The following FAT1 variants were observed in gnomAD, a reference collection of about 807,000 sequenced individuals.
FAT1 encodes the protein protocadherin Fat 1.
Under a neutral mutation model 329.8 loss-of-function variants are expected in FAT1, and 171 were observed. The observed-to-expected ratio is 0.52, with a 90% CI of 0.46 to 0.59. The LOEUF (loss-of-function observed/expected upper bound fraction) is 0.59, where lower values mean the gene tolerates loss of function less well. Among genes scored for constraint, FAT1 ranks in the 20% least tolerant of loss-of-function variants. The pLI is 0.00. For synonymous variants in FAT1, 2,233 were observed against 2,228.6 expected (o/e 1.00, Z -0.06); for missense variants, 5,672 against 5,774.4 (o/e 0.98, Z 0.57).
rs770582858 is a variant in FAT1 at position 186,633,692 on chromosome 4, G to C, written c.4315C>G (p.Leu1439Val). Residue 1439 changes from leucine (L) to valine (V), a missense_variant, in exon 7 of 27, where the codon CTC becomes GTC. Leu to Val is a conservative substitution (Grantham distance 32). Coordinates refer to ENST00000441802, the MANE Select transcript of FAT1 (RefSeq NM_005245.4). ...ATTAGTAATTCACTTACCTGAGTGA[G>C]GATAGTGGTGGTTCCATCTGTAGCC... is the stretch of plus-strand genomic sequence containing the variant. ...VEATDGTTTI[L>V]TQVFIKVIDT... 9.9e-6 allele frequency: 16 copies of C among 1,613,756 alleles called. No individual in the cohort carries two copies. The highest frequency in any genetic ancestry group is 1.3e-5 in the African/African-American group (1 of 74,886).
chr4:186,693,369 G>GTTCTAAGCTAT (rs1269913369), intron 2 of FAT1, among the ~76,000 whole-genome samples: 5 of 145,942 alleles, frequency 3.4e-5, no homozygotes, highest in African/African-American at 5.2e-5. Flanking sequence ...ACCTGTGGCT[G>GTTCTAAGCTAT]GATGAACGAA....
chr4:186,642,968 C>T (rs1003413827), intron 3 of FAT1, among the ~76,000 whole-genome samples: 1 of 152,124 alleles, frequency 6.6e-6, no homozygotes, highest in African/African-American at 2.4e-5. Flanking sequence ...AGGAAGTAGA[C>T]CAGGAGAAGT....
chr4:186,613,364 C>G (rs2126476641), intron 12 of FAT1, 22 bp from the exon 13 acceptor site: 1 of 1,566,352 alleles, frequency 6.4e-7, no homozygotes, highest in Non-Finnish European at 8.8e-7. Flanking sequence ...AACAAATGGA[C>G]TCACTTGTAA....
intron 1 of FAT1, among the ~76,000 whole-genome samples, chr4:186,715,228 C>G (rs974499806): frequency 1.3e-5 from 2 of 152,034 alleles, no homozygotes; most frequent in Admixed American, 1.3e-4. Flanking sequence ...CCATGCTGTC[C>G]CAGGTGCTCA....
At chr4:186,676,352 T>G (rs1742960569) in intron 2 of FAT1, among the ~76,000 whole-genome samples, 1 of 152,000 alleles carries the variant, frequency 6.6e-6, no homozygotes, top group South Asian at 2.1e-4. Context: ...ATGAGTTAAT[T>G]TTATCTTCTT....
chr4:186,719,889 T>G (rs1228501504), intron 1 of FAT1, among the ~76,000 whole-genome samples: 2 of 152,256 alleles, frequency 1.3e-5, no homozygotes, highest in Non-Finnish European at 2.9e-5. Context: ...TCCTGCTTTC[T>G]GCCCCCAATC....
At chr4:186,635,260 CAG>C (rs1740773846) in intron 6 of FAT1, among the ~76,000 whole-genome samples, 2 of 151,928 alleles carry the variant, frequency 1.3e-5, no homozygotes, top group Non-Finnish European at 2.9e-5. Flanking sequence ...TGAATCGCAA[CAG>C]AGACTCTTGT....
intron 2 of FAT1, among the ~76,000 whole-genome samples, chr4:186,699,976 T>A (rs963594891): frequency 1.3e-5 from 2 of 152,014 alleles, no homozygotes; most frequent in Non-Finnish European, 2.9e-5. Context: ...CTCAACAAAT[T>A]ACGAACACCC....
chr4:186,672,185 CTATTA>C lies in FAT1; in HGVS notation c.3266-8577_3266-8573del, dbSNP rs1372572823. On this transcript the variant is annotated intron_variant, in intron 2 of 26. Transcript: ENST00000441802. ...TTCTAGTACTTTTAAAAACAATGTT[CTATTA>C]TGTGTGTATACATATATTAATAAAT... Among the ~76,000 whole-genome samples the C allele has an allele frequency of 3.9e-5, 6 of 152,152 alleles. 1 individual carries two copies. The South Asian group carries it at 1.0e-3, about 26-fold the overall frequency.
chr4:186,666,035 G>A (rs183108956), intron 2 of FAT1, among the ~76,000 whole-genome samples: 3,970 of 119,286 alleles, frequency 0.033, 226 homozygotes, highest in African/African-American at 0.12. Context: ...GGGGCCTGTC[G>A]TGGGGTGGGG....
intron 9 of FAT1, among the ~76,000 whole-genome samples, chr4:186,625,206 G>C (rs1740242931): frequency 6.6e-6 from 1 of 152,212 alleles, no homozygotes; most frequent in African/African-American, 2.4e-5. Context: ...CAGTCAGTTT[G>C]TCTATGACAG....
In FAT1 at chr4:186,617,949, C is replaced by G; in HGVS notation, c.8637G>C (p.Lys2879Asn). The stretch of plus-strand genomic sequence containing the variant: ...CCACTTTAATCTGGTAATTGTCTCT[C>G]TTTTCATGGTCAAGTTCCTTTAAAG... ...ITTLKELDHEKRDNYQIKVVA... is the reference protein window; with the variant it reads ...ITTLKELDHENRDNYQIKVVA... The change falls in exon 10 of 27, where the codon AAG (lysine) becomes AAC (asparagine). Residue 2879 changes from lysine to asparagine, a missense_variant. Physicochemically the swap from Lys to Asn is moderately conservative, Grantham distance 94. Around this residue, in one of 2 missense-constraint regions of FAT1, gnomAD observed 3,966 missense variants for 3,915.2 expected, o/e 1.01. Transcript: ENST00000441802. 6.2e-7 allele frequency: 1 copy of G among 1,614,022 alleles called. No homozygotes were observed.
In FAT1 at chr4:186,708,269, C is replaced by G. The variant is rs769346214; in HGVS notation, c.1559G>C (p.Ser520Thr). 16 of 1,613,868 alleles carry G rather than the reference C, an allele frequency of 9.9e-6. No individual in the cohort carries two copies. The highest frequency in any genetic ancestry group is 1.4e-5 in the Non-Finnish European group (16 of 1,179,912). The part of the protein sequence containing the change: ...FAIDHFTGAV[S>T]TSENLDYELM... ...TTCGTAGTCCAGGTTTTCTGACGTA[C>G]TCACGGCACCAGTGAAATGGTCAAT... The change falls in exon 2 of 27, where the codon AGT (serine) becomes ACT (threonine). Residue 520 changes from serine to threonine, a missense_variant. This residue lies in a region of FAT1 where 3,966 missense variants were observed against 3,915.2 expected (regional missense o/e 1.01). Transcript: ENST00000441802.
At chr4:186,595,849 G>T (rs756735135) in intron 25 of FAT1, 23 bp from the exon 26 acceptor site, 1 of 1,613,380 alleles carries the variant, frequency 6.2e-7, no homozygotes, top group Non-Finnish European at 8.5e-7. Flanking sequence ...ATGACAAACA[G>T]TAAGTATATG....
chr4:186,603,882 C>T lies in FAT1; in HGVS notation c.10644G>A (p.Leu3548=), dbSNP rs1462036361. The part of the protein sequence containing the change: ...ESIYPPAILP[L]EIFITSSGEE... ...CTCCAGAAGAGGTGATGAAAATCTC[C>T]AGGGGCAAAATCGCAGGCGGATAGA... Residue 3548 remains leucine (L), a synonymous_variant, in exon 19 of 27, where the codon CTG becomes CTA. Coordinates refer to ENST00000441802, the MANE Select transcript of FAT1 (RefSeq NM_005245.4). The T allele has an allele frequency of 1.7e-5, 28 of 1,613,822 alleles. No individual in the cohort carries two copies. The highest frequency in any genetic ancestry group is 2.2e-5 in the Non-Finnish European group (26 of 1,179,864).
intron 9 of FAT1, among the ~76,000 whole-genome samples, chr4:186,623,249 G>A (rs146104624): frequency 1.3e-5 from 2 of 152,310 alleles, no homozygotes; most frequent in African/African-American, 4.8e-5. Flanking sequence ...CCTCTGCCAG[G>A]CTTTTGAGAC....
intron 3 of FAT1, among the ~76,000 whole-genome samples, chr4:186,659,654 C>T (rs1256576454): frequency 6.7e-6 from 1 of 150,138 alleles, no homozygotes; most frequent in Non-Finnish European, 1.5e-5. Flanking sequence ...GGCGCTCCTG[C>T]ACTCTACACA....
At chr4:186,643,963 C>T (rs1741232787) in intron 3 of FAT1, among the ~76,000 whole-genome samples, 1 of 152,070 alleles carries the variant, frequency 6.6e-6, no homozygotes, top group Non-Finnish European at 1.5e-5. Context: ...TTTGCCAAAT[C>T]CCAGAAAGAT....
intron 17 of FAT1, 59 bp from the exon 18 acceptor site, chr4:186,604,633 G>A (rs1033653834): frequency 1.2e-4 from 136 of 1,118,894 alleles, no homozygotes; most frequent in Middle Eastern, 8.0e-4. Context: ...AAATCTATAT[G>A]GGACAGACAC....
Sources: allele counts gnomAD v4.1 joint callset (sites outside exome capture counted in the v4.1 genomes callset), GRCh38; gene constraint gnomAD v4.1.1; regional missense constraint gnomAD v4.1.1; transcripts MANE v1.5; gene names NCBI Gene and HGNC (gene_info 2026-07-23, HGNC 2026-07-21).